Variants in EFHC1 observed in about 807,000 individuals in gnomAD.
EFHC1 encodes EF-hand domain containing 1, also known as EF-hand domain-containing protein 1.
A neutral mutation model predicts 69.9 loss-of-function variants in EFHC1; 53 were observed. The ratio of observed to expected loss-of-function variants is 0.76; its 90% CI spans 0.61 to 0.95. The LOEUF is 0.95. EFHC1 is among the 40% of genes least tolerant of loss of function. The pLI, the probability that EFHC1 is intolerant of heterozygous loss-of-function variation, is 0.00. For missense variants in EFHC1, 739 were observed against 798.7 expected (o/e 0.93, Z 0.90); for synonymous variants, 256 against 278.4 (o/e 0.92, Z 0.80).
chr6:52,441,387 A>G (rs940735378), intron 3 of EFHC1, among the ~76,000 whole-genome samples: 1 of 151,914 alleles, frequency 6.6e-6, no homozygotes, highest in Admixed American at 6.6e-5. Flanking sequence ...ATTTTTGTCA[A>G]CTTTGTTGAA....
chr6:52,488,100 G>A (rs1765823980), intron 9 of EFHC1: 2 of 152,166 alleles, frequency 1.3e-5, no homozygotes, highest in South Asian at 2.1e-4. Context: ...CTTTGGGAAA[G>A]GGAGAGTTAT....
intron 5 of EFHC1, among the ~76,000 whole-genome samples, chr6:52,461,805 A>T (rs550778692): frequency 1.3e-5 from 2 of 152,222 alleles, no homozygotes; most frequent in African/African-American, 2.4e-5. Flanking sequence ...CTATATTAGT[A>T]TAATACAAAA....
At chr6:52,473,467 A>G (rs1765480846) in intron 7 of EFHC1, among the ~76,000 whole-genome samples, 1 of 152,176 alleles carries the variant, frequency 6.6e-6, no homozygotes, top group Non-Finnish European at 1.5e-5. Flanking sequence ...GTCGGATACA[A>G]AAAACCAGTC....
chr6:52,454,954 T>C (rs1280324683), intron 5 of EFHC1, among the ~76,000 whole-genome samples: 1 of 152,104 alleles, frequency 6.6e-6, no homozygotes, highest in Non-Finnish European at 1.5e-5. Flanking sequence ...TAGCCATGCT[T>C]GGTGCCGCAC....
Position 52,438,368 on chromosome 6 carries a change from T to C in EFHC1, c.350T>C (p.Ile117Thr), listed in dbSNP as rs201616140. ...ATGTCAACTGAGGAACAGTATAGGA[T>C]CCGTCAGGTGAACATTTACTATTAT... The part of the protein sequence containing the change: ...VPMSTEEQYR[I>T]RQVNIYYYLE... Residue 117 changes from isoleucine (I) to threonine (T), a missense_variant, in exon 3 of 11, where the codon ATC becomes ACC. Ile to Thr is a moderately conservative substitution (Grantham distance 89). Coordinates refer to ENST00000371068, the MANE Select transcript of EFHC1 (RefSeq NM_018100.4). 44 of 1,613,816 alleles carry C rather than the reference T, an allele frequency of 2.7e-5. No homozygotes were observed. Among genetic ancestry groups the C allele is most frequent in the Non-Finnish European group, 3.6e-5 (42 of 1,179,954 alleles).
At position 52,492,969 on chromosome 6, in the gene EFHC1, A is replaced by G. The variant is rs1052960947; in HGVS notation, c.*628A>G. 2.2e-6 allele frequency: 1 copy of G among 454,004 alleles called. No individual in the cohort carries two copies. The highest frequency in any genetic ancestry group is 4.4e-6 in the Non-Finnish European group (1 of 226,798). 28.1% of individuals were successfully genotyped at this position (454,004 alleles called of 1,614,324 possible). ...CTCTGAAGGTATTTTTCGATGAGAT[A>G]AACATTTGAATCAGAAGACTAAGTA... On this transcript the variant is annotated 3_prime_UTR_variant, in exon 11 of 11. Coordinates refer to ENST00000371068, the MANE Select transcript of EFHC1 (RefSeq NM_018100.4).
chr6:52,438,659 C>A, intron 3 of EFHC1, 68 bp downstream of exon 3: 2 of 1,534,392 alleles, frequency 1.3e-6, no homozygotes, highest in Non-Finnish European at 1.8e-6. Flanking sequence ...GGATACATTT[C>A]ATTTATTAGG....
intron 3 of EFHC1, 139 bp downstream of exon 3, chr6:52,438,730 C>T (rs1764593364): frequency 1.1e-6 from 1 of 923,502 alleles, no homozygotes; most frequent in Non-Finnish European, 1.7e-6. Context: ...TAGGTATTTG[C>T]ATGTGTGTAT....
intron 5 of EFHC1, among the ~76,000 whole-genome samples, chr6:52,458,545 T>A (rs757198649): frequency 3.7e-4 from 56 of 152,086 alleles, no homozygotes; most frequent in Non-Finnish European, 7.1e-4. Flanking sequence ...ACAAACATTT[T>A]AAAAATGCCC....
In EFHC1 at chr6:52,438,597, G is replaced by T. The variant is rs766223849; in HGVS notation, c.573+6G>T. ...ACTGTGACCAATTCACACAGGTATA[G>T]CATATATTTTTGAAAGTTGTGGGGT... On this transcript the variant is annotated splice_donor_region_variant and intron_variant, in intron 3 of 10. Coordinates refer to ENST00000371068, the MANE Select transcript of EFHC1 (RefSeq NM_018100.4). 5.6e-6 allele frequency: 9 copies of T among 1,613,738 alleles called. No individual in the cohort carries two copies. Among genetic ancestry groups the T allele is most frequent in the African/African-American group, 2.7e-5 (2 of 74,892 alleles).
rs1241749977 is a variant in EFHC1 at position 52,494,157 on chromosome 6, T to C, written c.*1816T>C. The stretch of plus-strand genomic sequence containing the variant: ...AATAAACTCACGTAAGTAAAAAATA[T>C]CACAAGTTGAAAACACATTTAATAA... On this transcript the variant is annotated 3_prime_UTR_variant, in exon 11 of 11. Transcript: ENST00000371068. The C allele has an allele frequency of 2.2e-6, 1 of 454,022 alleles. No individual in the cohort carries two copies. Among genetic ancestry groups the C allele is most frequent in the Non-Finnish European group, 4.4e-6 (1 of 226,778 alleles). The allele number at this position is 454,022 out of a possible 1,614,324, so 28.1% of individuals were successfully genotyped here.
intron 5 of EFHC1, among the ~76,000 whole-genome samples, chr6:52,460,149 C>T (rs1765132837): frequency 6.6e-6 from 1 of 152,060 alleles, no homozygotes; most frequent in African/African-American, 2.4e-5. Flanking sequence ...TGTCTATTAA[C>T]AGTTAGTGAG....
At chr6:52,462,466 AC>A (rs1326365100) in intron 5 of EFHC1, among the ~76,000 whole-genome samples, 2 of 152,198 alleles carry the variant, frequency 1.3e-5, no homozygotes, top group African/African-American at 4.8e-5. Flanking sequence ...GAAATTGAAA[AC>A]AAAGGTAACA....
At chr6:52,420,746 TC>T (rs1562440910) in intron 1 of EFHC1, among the ~76,000 whole-genome samples, 1 of 152,118 alleles carries the variant, frequency 6.6e-6, no homozygotes, top group Non-Finnish European at 1.5e-5. Flanking sequence ...TTCATTCTCA[TC>T]CCGTTAGCCG....
Position 52,494,505 on chromosome 6 carries a change from G to A in EFHC1, c.*2164G>A, listed in dbSNP as rs59722297. The A allele has an allele frequency of 0.023, 10,450 of 454,130 alleles. 276 individuals carry two copies. The highest frequency in any genetic ancestry group is 0.15 in the East Asian group (2,110 of 14,398). The allele number at this position is 454,130 out of a possible 1,614,324, so 28.1% of individuals were successfully genotyped here. ...AGAAAAAGGGCAAAGTCTTATTTCTGTGGCTAGTAATGTCGTAATGTGGGG... is the reference window on the plus strand; with the variant it reads ...AGAAAAAGGGCAAAGTCTTATTTCTATGGCTAGTAATGTCGTAATGTGGGG... On this transcript the variant is annotated 3_prime_UTR_variant, in exon 11 of 11. Transcript: ENST00000371068.
At chr6:52,459,910 G>A (rs1345405956) in intron 5 of EFHC1, among the ~76,000 whole-genome samples, 8 of 152,220 alleles carry the variant, frequency 5.3e-5, no homozygotes, top group African/African-American at 1.9e-4. Context: ...TCCTGACCTC[G>A]TGATCCACCC....
At position 52,478,827 on chromosome 6, in the gene EFHC1, G is replaced by A. The variant is rs923673477; in HGVS notation, c.1279-210G>A. Among the ~76,000 whole-genome samples the A allele has an allele frequency of 2.0e-5, 3 of 152,336 alleles. No homozygotes were observed. The South Asian group carries it at 6.2e-4, about 32-fold the overall frequency. Reference sequence around the variant, plus strand: ...ATTCTCACAAGGCAACAATTGAGTTGAGTTGGTGCGGCCTCCCTTGGGAAG... The same window carrying A: ...ATTCTCACAAGGCAACAATTGAGTTAAGTTGGTGCGGCCTCCCTTGGGAAG... On this transcript the variant is annotated intron_variant, in intron 7 of 10. Coordinates refer to ENST00000371068, the MANE Select transcript of EFHC1 (RefSeq NM_018100.4).
intron 5 of EFHC1, among the ~76,000 whole-genome samples, chr6:52,457,234 G>A (rs1279518415): frequency 6.6e-6 from 1 of 152,214 alleles, no homozygotes. Flanking sequence ...AATAACATGA[G>A]TATACCAGAT....
At chr6:52,485,269 C>T (rs1444318496) in intron 9 of EFHC1, 1 of 152,184 alleles carries the variant, frequency 6.6e-6, no homozygotes, top group Non-Finnish European at 1.5e-5. Flanking sequence ...CAAATACCAG[C>T]AGACACTGGA....
Sources: allele counts gnomAD v4.1 joint callset (sites outside exome capture counted in the v4.1 genomes callset), GRCh38; gene constraint gnomAD v4.1.1; transcripts MANE v1.5; gene names NCBI Gene and HGNC (gene_info 2026-07-23, HGNC 2026-07-21).